ZDHHC15: variants seen among roughly 807,000 people sequenced by gnomAD.
ZDHHC15 encodes the protein palmitoyltransferase ZDHHC15.
Under a neutral mutation model 31.7 loss-of-function variants are expected in ZDHHC15, and 19 were observed. The ratio of observed to expected loss-of-function variants is 0.60; its 90% CI spans 0.42 to 0.88. The LOEUF is 0.88. Among genes scored for constraint, ZDHHC15 ranks in the 40% least tolerant of loss-of-function variants. The pLI, the probability that ZDHHC15 is intolerant of heterozygous loss-of-function variation, is 0.00. For synonymous variants in ZDHHC15, 103 were observed against 90.0 expected (o/e 1.14, Z -0.82); for missense variants, 209 against 251.2 (o/e 0.83, Z 1.14).
intron 2 of ZDHHC15, among the ~76,000 whole-genome samples, chrX:75,492,998 G>A (rs1220092257): frequency 1.8e-5 from 2 of 111,361 alleles, no homozygotes; most frequent in Admixed American, 1.9e-4. Context: ...CCAGGAACTG[G>A]TTTTTTCAAA....
chrX:75,448,287 C>T (rs146120533), intron 4 of ZDHHC15, among the ~76,000 whole-genome samples: 1,366 of 112,056 alleles, frequency 0.012, 9 homozygotes, highest in Middle Eastern at 0.028. Context: ...AGGTAAAAAA[C>T]CAGTACCAGC....
intron 2 of ZDHHC15, among the ~76,000 whole-genome samples, chrX:75,500,266 G>A (rs1290966211): frequency 9.4e-6 from 1 of 106,914 alleles, no homozygotes; most frequent in East Asian, 2.9e-4. Flanking sequence ...CAAAACTATT[G>A]AAATAATAAT....
intron 4 of ZDHHC15, among the ~76,000 whole-genome samples, chrX:75,448,235 T>C (rs747998834): frequency 3.6e-5 from 4 of 112,363 alleles, no homozygotes; most frequent in Admixed American, 9.4e-5. Flanking sequence ...GGACTACTAA[T>C]GACCCAGACT....
At chrX:75,454,164 T>A (rs2084175302) in intron 3 of ZDHHC15, among the ~76,000 whole-genome samples, 1 of 111,977 alleles carries the variant, frequency 8.9e-6, no homozygotes, top group South Asian at 3.7e-4. Context: ...CAAAATCTCC[T>A]TAAGCTGATA....
chrX:75,432,926 G>A (rs1259665026), intron 4 of ZDHHC15, among the ~76,000 whole-genome samples: 1 of 111,219 alleles, frequency 9.0e-6, no homozygotes. Flanking sequence ...CGAGGCTGCT[G>A]TGATCCATGA....
chrX:75,412,598 A>AT (rs1388802188), intron 10 of ZDHHC15, among the ~76,000 whole-genome samples: 9 of 109,893 alleles, frequency 8.2e-5, no homozygotes, highest in Admixed American at 6.8e-4. Context: ...CGCCCGGCTA[A>AT]TTTTTTGTAT....
intron 7 of ZDHHC15, among the ~76,000 whole-genome samples, chrX:75,426,702 G>T (rs909637290): frequency 9.0e-5 from 10 of 111,501 alleles, no homozygotes; most frequent in African/African-American, 3.3e-4. Flanking sequence ...GTTTAATATA[G>T]AGAAGAGAGA....
intron 4 of ZDHHC15, among the ~76,000 whole-genome samples, chrX:75,441,414 G>A (rs1263726238): frequency 9.0e-6 from 1 of 110,725 alleles, no homozygotes; most frequent in African/African-American, 3.3e-5. Flanking sequence ...ATTTGTTTCC[G>A]CTCTAAGGAA....
intron 10 of ZDHHC15, among the ~76,000 whole-genome samples, chrX:75,388,676 CT>C (rs1312848362): frequency 1.8e-5 from 2 of 111,466 alleles, no homozygotes; most frequent in Non-Finnish European, 3.8e-5. Context: ...AAGAGAGGAG[CT>C]GCAAAACAAC....
intron 4 of ZDHHC15, among the ~76,000 whole-genome samples, chrX:75,450,278 G>T (rs1045779252): frequency 1.9e-4 from 21 of 111,585 alleles, no homozygotes; most frequent in African/African-American, 6.8e-4. Flanking sequence ...TGGGAAGTGG[G>T]GTGGGGTCGG....
chrX:75,521,461 G>C (rs2085439933), intron 1 of ZDHHC15, among the ~76,000 whole-genome samples: 1 of 110,674 alleles, frequency 9.0e-6, no homozygotes, highest in African/African-American at 3.3e-5. Flanking sequence ...TAAGAATGGG[G>C]AACGGGGGGA....
At chrX:75,486,140 C>A (rs948735507) in intron 2 of ZDHHC15, among the ~76,000 whole-genome samples, 7 of 112,595 alleles carry the variant, frequency 6.2e-5, no homozygotes, top group African/African-American at 2.3e-4. Flanking sequence ...AGAGAAAAGT[C>A]AACCTCCAAA....
At chrX:75,484,351 T>C (rs1444714882) in intron 2 of ZDHHC15, among the ~76,000 whole-genome samples, 1 of 112,056 alleles carries the variant, frequency 8.9e-6, no homozygotes, top group East Asian at 2.8e-4. Context: ...TTTAAAGATC[T>C]GTTATAGCTC....
At chrX:75,452,107 C>T (rs1182549212) in intron 3 of ZDHHC15, among the ~76,000 whole-genome samples, 3 of 109,192 alleles carry the variant, frequency 2.7e-5, no homozygotes, top group Non-Finnish European at 5.7e-5. Context: ...AGAGTCAAGA[C>T]CCATCAGAGT....
chrX:75,522,791 G>A, intron 1 of ZDHHC15, 98 bp downstream of exon 1: 1 of 1,079,328 alleles, frequency 9.3e-7, no homozygotes, highest in Non-Finnish European at 1.3e-6. Flanking sequence ...AAACCGCAGA[G>A]AGAAGGCTTG....
At chrX:75,494,484 A>G (rs1386260218) in intron 2 of ZDHHC15, among the ~76,000 whole-genome samples, 1 of 111,609 alleles carries the variant, frequency 9.0e-6, no homozygotes, top group African/African-American at 3.3e-5. Context: ...AGTCAATCCT[A>G]AGCCAAAAGA....
chrX:75,462,905 A>G, intron 3 of ZDHHC15, among the ~76,000 whole-genome samples: 1 of 111,444 alleles, frequency 9.0e-6, no homozygotes, highest in Non-Finnish European at 1.9e-5. Flanking sequence ...GCAGAAGACG[A>G]GAAATAGCCA....
At chrX:75,384,037 C>T (rs1007298978) in intron 10 of ZDHHC15, among the ~76,000 whole-genome samples, 4 of 110,724 alleles carry the variant, frequency 3.6e-5, no homozygotes, top group Admixed American at 9.6e-5. Context: ...CCACCGCACC[C>T]GGCCAGAAAT....
chrX:75,421,892 T>A lies in ZDHHC15; in HGVS notation c.835A>T (p.Lys279Ter). The A allele has an allele frequency of 8.3e-7, 1 of 1,210,090 alleles. No homozygotes were observed. Among genetic ancestry groups the A allele is most frequent in the Middle Eastern group, 2.3e-4 (1 of 4,338 alleles). Residue 279 changes from lysine (K) to a stop codon, truncating the protein, a stop_gained, in exon 9 of 12, where the codon AAG (lysine) becomes TAG (stop). Transcript: ENST00000373367. LOFTEE classifies it high-confidence loss of function. ...GAACCAATAGGTATTAACCAGAACT[T>A]CTTCTTATCTCCAAACACCTGCTGG... ...NIQQVFGDKK[K>*]FWLIPIGSSP...
Sources: allele counts gnomAD v4.1 joint callset (sites outside exome capture counted in the v4.1 genomes callset), GRCh38; gene constraint gnomAD v4.1.1; transcripts MANE v1.5; gene names NCBI Gene and HGNC (gene_info 2026-07-23, HGNC 2026-07-21).